Variants in LTBP1 observed in about 807,000 individuals in gnomAD.
LTBP1 encodes latent-transforming growth factor beta-binding protein 1.
LTBP1 carries 129 observed loss-of-function variants against 207.6 expected under a neutral mutation model. The observed-to-expected ratio is 0.62, with a 90% CI of 0.54 to 0.72. The LOEUF is 0.72. Among genes scored for constraint, LTBP1 ranks in the 30% least tolerant of loss-of-function variants. The pLI, the probability that LTBP1 is intolerant of heterozygous loss-of-function variation, is 0.00. For missense variants in LTBP1, 2,281 were observed against 2,217.2 expected (o/e 1.03, Z -0.58); for synonymous variants, 963 against 833.7 (o/e 1.16, Z -2.67).
intron 31 of LTBP1, among the ~76,000 whole-genome samples, chr2:33,366,031 A>G (rs1016162022): frequency 6.6e-6 from 1 of 152,186 alleles, no homozygotes; most frequent in Non-Finnish European, 1.5e-5. Flanking sequence ...CAAGTTCTAG[A>G]TCTATCTGGG....
At chr2:33,386,649 C>A (rs910640582) in intron 31 of LTBP1, among the ~76,000 whole-genome samples, 1 of 152,000 alleles carries the variant, frequency 6.6e-6, no homozygotes, top group African/African-American at 2.4e-5. Context: ...CATTGTGAGA[C>A]CCTGTCTCTA....
intron 5 of LTBP1, among the ~76,000 whole-genome samples, chr2:33,164,682 C>T (rs1358537019): frequency 6.6e-6 from 1 of 152,094 alleles, no homozygotes; most frequent in Non-Finnish European, 1.5e-5. Flanking sequence ...CGTGTATAAA[C>T]CCAAAGAAAG....
At chr2:33,213,029 C>A (rs554510203) in intron 7 of LTBP1, among the ~76,000 whole-genome samples, 1 of 152,234 alleles carries the variant, frequency 6.6e-6, no homozygotes, top group South Asian at 2.1e-4. Flanking sequence ...GTAGTCTCAC[C>A]GTTCCGCCTT....
At chr2:33,097,521 T>C (rs1374019090) in intron 3 of LTBP1, among the ~76,000 whole-genome samples, 2 of 152,164 alleles carry the variant, frequency 1.3e-5, no homozygotes, top group Non-Finnish European at 2.9e-5. Flanking sequence ...TTTACGCCAC[T>C]GGAATACCAT....
At chr2:32,990,859 A>G (rs1684301322) in intron 2 of LTBP1, among the ~76,000 whole-genome samples, 2 of 152,214 alleles carry the variant, frequency 1.3e-5, no homozygotes, top group Non-Finnish European at 2.9e-5. Context: ...CCATGAAGAA[A>G]TTACTCAGTT....
intron 13 of LTBP1, among the ~76,000 whole-genome samples, chr2:33,260,872 A>G (rs1391603060): frequency 6.6e-6 from 1 of 152,222 alleles, no homozygotes; most frequent in African/African-American, 2.4e-5. Context: ...ATTGAATTTA[A>G]TAACTCTCAT....
intron 2 of LTBP1, among the ~76,000 whole-genome samples, chr2:32,962,954 C>A (rs1679364693): frequency 6.6e-6 from 1 of 152,240 alleles, no homozygotes; most frequent in African/African-American, 2.4e-5. Context: ...CTAGCAGAAC[C>A]CATCTCCTCC....
At chr2:33,372,811 C>T (rs1294446438) in intron 31 of LTBP1, among the ~76,000 whole-genome samples, 3 of 152,080 alleles carry the variant, frequency 2.0e-5, no homozygotes, top group Non-Finnish European at 2.9e-5. Context: ...TTGCAGTGAG[C>T]GAAGATCGTG....
chr2:33,019,092 G>T (rs1207924044), intron 2 of LTBP1, among the ~76,000 whole-genome samples: 1 of 152,096 alleles, frequency 6.6e-6, no homozygotes, highest in Non-Finnish European at 1.5e-5. Flanking sequence ...GTCTCCTGTT[G>T]TTCGTTTTGC....
chr2:33,277,760 C>CCTTTCTTTCTGTCTTT (rs2093460129), intron 18 of LTBP1, among the ~76,000 whole-genome samples: 4 of 95,426 alleles, frequency 4.2e-5, no homozygotes, highest in Admixed American at 3.3e-4. Flanking sequence ...TTTTTTTTTC[C>CCTTTCTTTCTGTCTTT]CTTTCTTTCT....
At chr2:33,235,464 A>G (rs1472281113) in intron 9 of LTBP1, among the ~76,000 whole-genome samples, 2 of 152,230 alleles carry the variant, frequency 1.3e-5, no homozygotes, top group Middle Eastern at 3.2e-3. Flanking sequence ...GGGAGTGTAA[A>G]TTAGTTCAAC....
At chr2:33,197,122 A>G (rs567586147) in intron 7 of LTBP1, among the ~76,000 whole-genome samples, 1 of 152,244 alleles carries the variant, frequency 6.6e-6, no homozygotes, top group African/African-American at 2.4e-5. Flanking sequence ...ATTGGTGTTT[A>G]TGTGAATTAG....
intron 7 of LTBP1, among the ~76,000 whole-genome samples, chr2:33,201,004 T>C (rs1558803318): frequency 2.0e-5 from 3 of 152,180 alleles, no homozygotes; most frequent in Admixed American, 1.3e-4. Flanking sequence ...TGTGGAGAAT[T>C]AGGTACACTT....
At chr2:32,995,991 A>G (rs761647295) in intron 2 of LTBP1, among the ~76,000 whole-genome samples, 3 of 152,196 alleles carry the variant, frequency 2.0e-5, no homozygotes, top group Non-Finnish European at 4.4e-5. Flanking sequence ...GGGATTAACT[A>G]CCATGCTATG....
intron 7 of LTBP1, among the ~76,000 whole-genome samples, chr2:33,197,727 A>AG (rs2088725690): frequency 1.3e-5 from 2 of 152,172 alleles, no homozygotes; most frequent in African/African-American, 4.8e-5. Context: ...AGATGGTATG[A>AG]AAAGGCCTTC....
At chr2:32,960,170 CTT>C (rs1037756390) in intron 2 of LTBP1, among the ~76,000 whole-genome samples, 1 of 152,120 alleles carries the variant, frequency 6.6e-6, no homozygotes, top group African/African-American at 2.4e-5. Context: ...TCCTCTGAGA[CTT>C]TTCTCAACCT....
chr2:33,229,967 A>G (rs779502376), intron 9 of LTBP1, among the ~76,000 whole-genome samples: 4 of 152,236 alleles, frequency 2.6e-5, no homozygotes, highest in Non-Finnish European at 5.9e-5. Context: ...TCATTCAGTA[A>G]ATCTATTGAA....
intron 32 of LTBP1, among the ~76,000 whole-genome samples, chr2:33,396,925 C>A (rs570629051): frequency 1.3e-5 from 2 of 152,294 alleles, no homozygotes; most frequent in Non-Finnish European, 2.9e-5. Flanking sequence ...CAAAATGAGG[C>A]TACTCTGCAC....
In LTBP1 at chr2:33,021,023, C is replaced by T. The variant is rs377541507; in HGVS notation, c.680C>T (p.Ser227Leu). The change falls in exon 3 of 34, where the codon TCG (serine) becomes TTG (leucine). Residue 227 changes from serine to leucine, a missense_variant. Ser to Leu is a moderately radical substitution (Grantham distance 145, BLOSUM62 -2). Transcript: ENST00000404816. ...GAAACAATAGCTGCCCAGGACACCT[C>T]GTCACCAGTCTTTGGAGGGCAGAGT... ...ACETIAAQDT[S>L]SPVFGGQSPG... 60 of 1,613,970 alleles carry T rather than the reference C, an allele frequency of 3.7e-5. No individual in the cohort carries two copies. In the African/African-American group the frequency reaches 5.3e-4, roughly 14 times the overall value.
Sources: allele counts gnomAD v4.1 joint callset (sites outside exome capture counted in the v4.1 genomes callset), GRCh38; gene constraint gnomAD v4.1.1; transcripts MANE v1.5; gene names NCBI Gene and HGNC (gene_info 2026-07-23, HGNC 2026-07-21).